Variants in FAIM observed in about 807,000 individuals in gnomAD.
FAIM encodes fas apoptotic inhibitory molecule 1.
Under a neutral mutation model 21.2 loss-of-function variants are expected in FAIM, and 14 were observed. That is an observed-to-expected ratio of 0.66 (90% confidence interval 0.44 to 1.03). The LOEUF (loss-of-function observed/expected upper bound fraction) is 1.03, where lower values mean the gene tolerates loss of function less well. FAIM is among the 50% of genes least tolerant of loss of function. The probability of loss-of-function intolerance (pLI) is 0.00; values close to 1 mark genes in which losing one functional copy is unlikely to be tolerated. For missense variants in FAIM, 222 were observed against 247.1 expected (o/e 0.90, Z 0.68); for synonymous variants, 86 against 80.4 (o/e 1.07, Z -0.37).
At chr3:138,609,578 ACTCTCTCTCTCTCGACTCTCTCTCTCTCT>A (rs2042740137) in intron 1 of FAIM, among the ~76,000 whole-genome samples, 1 of 4,698 alleles carries the variant, frequency 2.1e-4, no homozygotes, top group Admixed American at 3.4e-3. Flanking sequence ...CTCTCTCTCG[ACTCTCTCTCTCTCGACTCTCTCTCTCTCT>A]CTCTCGACTC....
chr3:138,609,035 C>G (rs923053424), intron 1 of FAIM, 98 bp downstream of exon 1: 1 of 152,392 alleles, frequency 6.6e-6, no homozygotes, highest in Admixed American at 6.6e-5. Context: ...TGCACTCAGC[C>G]CCCCGGCGTC....
At chr3:138,622,044 C>T (rs868591972) in intron 3 of FAIM, 144 bp from the exon 4 acceptor site, 21 of 665,192 alleles carry the variant, frequency 3.2e-5, no homozygotes, top group Admixed American at 9.6e-5. Flanking sequence ...CCTCCCAAAG[C>T]GCTGGGATTA....
At chr3:138,615,802 A>G (rs1368712239) in intron 1 of FAIM, among the ~76,000 whole-genome samples, 4 of 152,222 alleles carry the variant, frequency 2.6e-5, no homozygotes, top group Admixed American at 2.6e-4. Context: ...GAGCCAGAAG[A>G]GCAATTTCAA....
chr3:138,630,301 G>A (rs2042991488), intron 5 of FAIM: 1 of 151,942 alleles, frequency 6.6e-6, no homozygotes, highest in African/African-American at 2.4e-5. Flanking sequence ...TTCTGAGGAG[G>A]TGACAAAACC....
intron 1 of FAIM, 125 bp from the exon 2 acceptor site, chr3:138,619,586 C>T: frequency 1.3e-6 from 1 of 746,024 alleles, no homozygotes; most frequent in Non-Finnish European, 2.3e-6. Context: ...ATCTGAAACT[C>T]CATGTAATTT....
chr3:138,610,046 T>A (rs1282923807), intron 1 of FAIM, among the ~76,000 whole-genome samples: 2 of 152,150 alleles, frequency 1.3e-5, no homozygotes, highest in Non-Finnish European at 2.9e-5. Context: ...GGCCCGGAGA[T>A]GAAGATGTCA....
intron 1 of FAIM, 45 bp from the exon 2 acceptor site, chr3:138,619,666 C>A: frequency 1.9e-6 from 3 of 1,570,448 alleles, no homozygotes; most frequent in Non-Finnish European, 2.6e-6. Context: ...TCTTTCTTTG[C>A]TGCAATTCTG....
intron 5 of FAIM, 78 bp downstream of exon 5, chr3:138,629,234 G>C: frequency 8.4e-7 from 1 of 1,195,650 alleles, no homozygotes; most frequent in Non-Finnish European, 1.2e-6. Flanking sequence ...CCTAATTATA[G>C]AGATCTTATA....
At chr3:138,614,432 C>A (rs2042803980) in intron 1 of FAIM, among the ~76,000 whole-genome samples, 1 of 151,684 alleles carries the variant, frequency 6.6e-6, no homozygotes, top group Non-Finnish European at 1.5e-5. Context: ...TAGAGTGAGA[C>A]CCTATCTCAA....
chr3:138,615,848 G>A (rs920054461), intron 1 of FAIM, among the ~76,000 whole-genome samples: 3 of 152,222 alleles, frequency 2.0e-5, no homozygotes, highest in Admixed American at 6.5e-5. Flanking sequence ...AATGGAATGT[G>A]TAAACTGACA....
intron 4 of FAIM, among the ~76,000 whole-genome samples, chr3:138,628,625 C>T (rs1237081581): frequency 1.3e-5 from 2 of 152,040 alleles, no homozygotes; most frequent in Non-Finnish European, 2.9e-5. Flanking sequence ...GCTGGGACTA[C>T]AGGCACCCAC....
chr3:138,612,374 T>A (rs545268533), intron 1 of FAIM, among the ~76,000 whole-genome samples: 1 of 152,268 alleles, frequency 6.6e-6, no homozygotes, highest in Admixed American at 6.5e-5. Context: ...GTGCTGGGAT[T>A]ACAGGCGTGA....
chr3:138,615,126 G>A (rs2042813340), intron 1 of FAIM, among the ~76,000 whole-genome samples: 1 of 152,128 alleles, frequency 6.6e-6, no homozygotes, highest in African/African-American at 2.4e-5. Context: ...GCCCACATTT[G>A]GGCAAAATCA....
At chr3:138,615,308 G>A (rs1000909411) in intron 1 of FAIM, among the ~76,000 whole-genome samples, 12 of 152,132 alleles carry the variant, frequency 7.9e-5, no homozygotes, top group African/African-American at 2.7e-4. Flanking sequence ...ATTATAAGCC[G>A]GGGACCATCT....
Position 138,633,217 on chromosome 3 carries a change from A to C in FAIM, c.*138A>C, listed in dbSNP as rs2043025892. On this transcript the variant is annotated 3_prime_UTR_variant, in exon 6 of 6. Transcript: ENST00000360570. ...AAAGTTACATGAAACTAACATTCCAAGGGTCAGGAAAAAAACCAATTATGT... is the reference window on the plus strand; with the variant it reads ...AAAGTTACATGAAACTAACATTCCACGGGTCAGGAAAAAAACCAATTATGT... The C allele has an allele frequency of 5.5e-6, 4 of 723,218 alleles. No homozygotes were observed. The highest frequency in any genetic ancestry group is 8.1e-6 in the Non-Finnish European group (4 of 495,312). 44.8% of individuals were successfully genotyped at this position (723,218 alleles called of 1,614,324 possible). A position where few individuals can be genotyped will look rare whatever the true frequency, so the allele number is the denominator to read the frequency against.
At chr3:138,628,497 A>AT (rs1218020546) in intron 4 of FAIM, among the ~76,000 whole-genome samples, 1 of 150,900 alleles carries the variant, frequency 6.6e-6, no homozygotes, top group Non-Finnish European at 1.5e-5. Flanking sequence ...TTATTTATTT[A>AT]TTTTTGAGAT....
chr3:138,622,747 A>C (rs1043731435), intron 4 of FAIM, among the ~76,000 whole-genome samples: 1 of 152,130 alleles, frequency 6.6e-6, no homozygotes, highest in African/African-American at 2.4e-5. Context: ...GTTTTAAAAA[A>C]ATGTAATATT....
intron 1 of FAIM, 35 bp downstream of exon 1, chr3:138,608,972 C>A (rs987997442): frequency 1.3e-5 from 2 of 153,176 alleles, no homozygotes; most frequent in African/African-American, 4.8e-5. Flanking sequence ...CGGTGTCGCG[C>A]CTGCGCCCGC....
chr3:138,626,230 G>C (rs1350922034), intron 4 of FAIM, among the ~76,000 whole-genome samples: 1 of 152,182 alleles, frequency 6.6e-6, no homozygotes, highest in Non-Finnish European at 1.5e-5. Flanking sequence ...AGTCATAATA[G>C]ATTTGAAATT....
Sources: gnomAD v4.1 joint callset for allele counts (sites outside exome capture counted in the v4.1 genomes callset) on GRCh38, gnomAD v4.1.1 for gene constraint, MANE v1.5 for transcripts, NCBI Gene and HGNC (gene_info 2026-07-23, HGNC 2026-07-21) for gene names.